The following ASXL3 variants were observed in gnomAD, a reference collection of about 807,000 sequenced individuals.
ASXL3 encodes putative Polycomb group protein ASXL3.
Under a neutral mutation model 170.6 loss-of-function variants are expected in ASXL3, and 34 were observed. The ratio of observed to expected loss-of-function variants is 0.20; its 90% CI spans 0.15 to 0.27. The LOEUF is 0.27. Ranked by LOEUF, ASXL3 falls within the 10% of genes least tolerant of loss-of-function variation. The probability of loss-of-function intolerance (pLI) is 1.00; values close to 1 mark genes in which losing one functional copy is unlikely to be tolerated. For missense variants in ASXL3, 2,592 were observed against 2,695.3 expected, an observed-to-expected ratio of 0.96 and a Z score of 0.85; for synonymous variants, 1,002 against 989.1, an observed-to-expected ratio of 1.01 and a Z score of -0.24.
chr18:33,595,184 C>T (rs2032187), intron 1 of ASXL3, among the ~76,000 whole-genome samples: 20,128 of 152,014 alleles, frequency 0.13, 1,777 homozygotes, highest in South Asian at 0.23. Context: ...TAACTTTTAC[C>T]GCTAGAATTA....
At position 33,732,860 on chromosome 18, in the gene ASXL3, CAAA is replaced by C. The variant is rs58760847; in HGVS notation, c.976+813_976+815del. Among the ~76,000 whole-genome samples the C allele has an allele frequency of 4.0e-3, 532 of 134,562 alleles. 3 individuals carry two copies. Among genetic ancestry groups the C allele is most frequent in the African/African-American group, 9.0e-3 (327 of 36,482 alleles). The allele number at this position is 134,562 out of a possible 152,430, so 88.3% of individuals were successfully genotyped here. A position where few individuals can be genotyped will look rare whatever the true frequency, so the allele number is the denominator to read the frequency against. Reference sequence around the variant, plus strand: ...AAGGCAACAGAGTGACACCCTGTCTCAAAAAAAAAAAAAAAAAAATTACTGATG... The same window carrying C: ...AAGGCAACAGAGTGACACCCTGTCTCAAAAAAAAAAAAAAAATTACTGATG... On this transcript the variant is annotated intron_variant, in intron 9 of 11. Transcript: ENST00000269197.
At chr18:33,596,050 A>G (rs1339377214) in intron 1 of ASXL3, among the ~76,000 whole-genome samples, 1 of 152,016 alleles carries the variant, frequency 6.6e-6, no homozygotes, top group Non-Finnish European at 1.5e-5. Flanking sequence ...TTAGGCAAGT[A>G]TTACACACCT....
At chr18:33,654,921 T>C (rs1187814418) in intron 4 of ASXL3, among the ~76,000 whole-genome samples, 1 of 152,074 alleles carries the variant, frequency 6.6e-6, no homozygotes, top group Non-Finnish European at 1.5e-5. Context: ...CCAGAGATAA[T>C]AGTATAACTA....
chr18:33,703,802 A>C (rs2066917410), intron 8 of ASXL3, among the ~76,000 whole-genome samples: 1 of 152,156 alleles, frequency 6.6e-6, no homozygotes, highest in South Asian at 2.1e-4. Flanking sequence ...AAGATTTAGC[A>C]GAATTTTTGA....
chr18:33,739,654 A>T lies in ASXL3; in HGVS notation c.2250A>T (p.Ser750=). ...TTFVSSLPLP[S]ETSPISNSSI... is the part of the protein sequence containing the mutation. ...TTGTATCCAGTTTGCCACTTCCTTC[A>T]GAAACATCTCCAATTTCCAACTCTT... The change falls in exon 11 of 12, where the codon TCA becomes TCT. Residue 750 remains serine, a synonymous_variant. Coordinates refer to ENST00000269197, the MANE Select transcript of ASXL3 (RefSeq NM_030632.3). 6.2e-7 allele frequency: 1 copy of T among 1,613,926 alleles called. No homozygotes were observed. Among genetic ancestry groups the T allele is most frequent in the East Asian group, 2.2e-5 (1 of 44,872 alleles).
At chr18:33,700,747 T>A (rs2066859211) in intron 8 of ASXL3, among the ~76,000 whole-genome samples, 1 of 152,082 alleles carries the variant, frequency 6.6e-6, no homozygotes, top group African/African-American at 2.4e-5. Context: ...CCATCCACTA[T>A]AGATTGAGCT....
chr18:33,667,254 C>G lies in ASXL3; in HGVS notation c.478-3419C>G, dbSNP rs561736092. On this transcript the variant is annotated intron_variant, in intron 5 of 11. Transcript: ENST00000269197. ...AGTCTTCTCACTCCTATTCTGAATC[C>G]TAATCCTGGGGATCTCAGAAAAAAA... Among the ~76,000 whole-genome samples the G allele has an allele frequency of 1.9e-4, 29 of 152,220 alleles. 1 individual carries two copies. The South Asian group carries it at 4.6e-3, about 24-fold the overall frequency.
intron 1 of ASXL3, 32 bp from the exon 2 acceptor site, chr18:33,607,562 A>G (rs1178683998): frequency 2.0e-6 from 3 of 1,487,560 alleles, no homozygotes; most frequent in East Asian, 2.4e-5. Context: ...GCTGCCATGC[A>G]ATAATCTAGG....
chr18:33,583,017 TAAAC>T (rs1159774829), intron 1 of ASXL3, among the ~76,000 whole-genome samples: 2 of 152,218 alleles, frequency 1.3e-5, no homozygotes, highest in African/African-American at 4.8e-5. Context: ...ACATTCTAAA[TAAAC>T]TGTTAGGATT....
At chr18:33,714,649 C>T (rs545415165) in intron 8 of ASXL3, among the ~76,000 whole-genome samples, 1 of 152,216 alleles carries the variant, frequency 6.6e-6, no homozygotes, top group South Asian at 2.1e-4. Context: ...TTTTCCCCAA[C>T]TCAGCTTTAG....
intron 2 of ASXL3, chr18:33,626,933 T>A (rs1331835052): frequency 6.5e-6 from 1 of 152,990 alleles, no homozygotes; most frequent in East Asian, 1.9e-4. Flanking sequence ...CAATGAAGGA[T>A]TTGGGACAAC....
chr18:33,698,292 C>T (rs1351698586), intron 8 of ASXL3, among the ~76,000 whole-genome samples: 2 of 152,160 alleles, frequency 1.3e-5, no homozygotes, highest in South Asian at 2.1e-4. Flanking sequence ...GATATCACCT[C>T]TACTGGTGCC....
intron 7 of ASXL3, among the ~76,000 whole-genome samples, chr18:33,672,530 A>G (rs2066360412): frequency 6.6e-6 from 1 of 152,336 alleles, no homozygotes; most frequent in Admixed American, 6.5e-5. Context: ...TGGTTTGAAC[A>G]TTAGAATTCT....
intron 2 of ASXL3, among the ~76,000 whole-genome samples, chr18:33,636,248 C>T (rs893364249): frequency 6.6e-6 from 1 of 151,734 alleles, no homozygotes; most frequent in Non-Finnish European, 1.5e-5. Context: ...TGTAGATGAC[C>T]CTAATGCTGG....
In ASXL3 at chr18:33,708,960, A is replaced by G. The variant is rs550573060; in HGVS notation, c.880-23008A>G. Among the ~76,000 whole-genome samples the G allele has an allele frequency of 3.4e-4, 52 of 152,322 alleles. 1 individual carries two copies. Among genetic ancestry groups the G allele is most frequent in the African/African-American group, 1.1e-3 (46 of 41,588 alleles). ...TCACTCATTAATGCTAATAATTTCTATCAATTGGGAAAACATACATGAGGT... is the reference window on the plus strand; with the variant it reads ...TCACTCATTAATGCTAATAATTTCTGTCAATTGGGAAAACATACATGAGGT... On this transcript the variant is annotated intron_variant, in intron 8 of 11. Coordinates refer to ENST00000269197, the MANE Select transcript of ASXL3 (RefSeq NM_030632.3).
At chr18:33,673,206 C>A (rs1198185747) in intron 7 of ASXL3, among the ~76,000 whole-genome samples, 1 of 152,106 alleles carries the variant, frequency 6.6e-6, no homozygotes, top group African/African-American at 2.4e-5. Flanking sequence ...CATCTGCGGC[C>A]TTTAGTTAAA....
chr18:33,615,103 C>T (rs2065402444), intron 2 of ASXL3, among the ~76,000 whole-genome samples: 1 of 152,094 alleles, frequency 6.6e-6, no homozygotes, highest in African/African-American at 2.4e-5. Context: ...CTATGAAAGT[C>T]CTAGATGGCA....
At chr18:33,694,289 A>G (rs1183260890) in intron 8 of ASXL3, among the ~76,000 whole-genome samples, 1 of 152,196 alleles carries the variant, frequency 6.6e-6, no homozygotes, top group East Asian at 1.9e-4. Context: ...TTGATTATAC[A>G]TAGCGGATCT....
intron 2 of ASXL3, among the ~76,000 whole-genome samples, chr18:33,643,067 T>C (rs868355099): frequency 6.6e-6 from 1 of 151,892 alleles, no homozygotes; most frequent in Non-Finnish European, 1.5e-5. Flanking sequence ...TCTATTTTAC[T>C]TGTCGTGTTA....
Sources: gnomAD v4.1 joint callset for allele counts (sites outside exome capture counted in the v4.1 genomes callset) on GRCh38, gnomAD v4.1.1 for gene constraint, MANE v1.5 for transcripts, NCBI Gene and HGNC (gene_info 2026-07-23, HGNC 2026-07-21) for gene names.